CYP7B1: variants seen among roughly 807,000 people sequenced by gnomAD.
CYP7B1 encodes cytochrome P450 family 7 subfamily B member 1, also known as cytochrome P450 7B1.
In CYP7B1, 29 loss-of-function variants were observed where a neutral mutation model predicts 42.7. The observed-to-expected ratio is 0.68, with a 90% CI of 0.51 to 0.93. The LOEUF is 0.93. CYP7B1 is among the 40% of genes least tolerant of loss of function. The pLI is 0.00. For missense variants in CYP7B1, 655 were observed against 600.5 expected (o/e 1.09, Z -0.95); for synonymous variants, 235 against 218.2 (o/e 1.08, Z -0.68).
intron 1 of CYP7B1, among the ~76,000 whole-genome samples, chr8:64,744,175 A>G (rs1055403451): frequency 6.6e-6 from 1 of 152,174 alleles, no homozygotes; most frequent in Non-Finnish European, 1.5e-5. Context: ...TAGTCAACTG[A>G]GTGTTAGAAG....
intron 1 of CYP7B1, among the ~76,000 whole-genome samples, chr8:64,772,713 C>G (rs1360406195): frequency 2.6e-5 from 4 of 152,192 alleles, no homozygotes; most frequent in Non-Finnish European, 5.9e-5. Context: ...ATCAAATTAC[C>G]TGACTCCTCT....
intron 4 of CYP7B1, among the ~76,000 whole-genome samples, chr8:64,614,798 G>A (rs1339482211): frequency 6.6e-6 from 1 of 152,000 alleles, no homozygotes; most frequent in Non-Finnish European, 1.5e-5. Flanking sequence ...GTAAAGCTTT[G>A]GTTTAGCCTT....
rs1266572347 is a variant in CYP7B1 at position 64,798,575 on chromosome 8, C to A, written c.13G>T (p.Val5Leu). The A allele has an allele frequency of 5.4e-6, 8 of 1,475,456 alleles. No individual in the cohort carries two copies. 91.4% of individuals were successfully genotyped at this position (1,475,456 alleles called of 1,614,324 possible). Reference protein sequence around the residue: MAGEVSAATGRFSLE... With the variant: MAGELSAATGRFSLE... ...GAAAAGCGGCCCGTGGCCGCGGACACTTCTCCTGCCATCCGGCGCGCGCTA... is the reference window on the plus strand; with the variant it reads ...GAAAAGCGGCCCGTGGCCGCGGACAATTCTCCTGCCATCCGGCGCGCGCTA... The change falls in exon 1 of 6, where the codon GTG becomes TTG. Residue 5 changes from valine to leucine, a missense_variant. By Grantham distance (32) the Val-to-Leu change is conservative. Coordinates refer to ENST00000310193, the MANE Select transcript of CYP7B1 (RefSeq NM_004820.5).
Position 64,615,764 on chromosome 8 carries a change from T to A in CYP7B1, c.777A>T (p.Gly259=), listed in dbSNP as rs1158619372. The A allele has an allele frequency of 6.2e-7, 1 of 1,613,788 alleles. No individual in the cohort carries two copies. The change falls in exon 3 of 6, where the codon GGA becomes GGT. Residue 259 remains glycine (G), a synonymous_variant. Coordinates refer to ENST00000310193, the MANE Select transcript of CYP7B1 (RefSeq NM_004820.5). ...FSSEKLAKMQ[G]WSEVFQSRQD... ...GCCTGCTTTGAAAAACTTCTGACCA[T>A]CCTTGCATCTTGGCTAACTTTTCTG...
At chr8:64,639,395 C>T (rs1303361155) in intron 1 of CYP7B1, among the ~76,000 whole-genome samples, 1 of 151,794 alleles carries the variant, frequency 6.6e-6, no homozygotes, top group Admixed American at 6.6e-5. Flanking sequence ...TAGGGGTGAA[C>T]ATATAGAGAA....
At chr8:64,748,747 T>A (rs1010405806) in intron 1 of CYP7B1, among the ~76,000 whole-genome samples, 9 of 152,172 alleles carry the variant, frequency 5.9e-5, no homozygotes, top group Admixed American at 5.9e-4. Context: ...ATCTCCTACA[T>A]CCAAATTTTA....
intron 5 of CYP7B1, among the ~76,000 whole-genome samples, chr8:64,601,155 A>G (rs982348692): frequency 6.6e-6 from 1 of 152,238 alleles, no homozygotes; most frequent in African/African-American, 2.4e-5. Context: ...TTAGTGATTT[A>G]GAATTTTTTC....
chr8:64,762,226 A>G (rs1226585567), intron 1 of CYP7B1, among the ~76,000 whole-genome samples: 1 of 152,176 alleles, frequency 6.6e-6, no homozygotes, highest in African/African-American at 2.4e-5. Context: ...TTATTTGTAA[A>G]GCTACATAAG....
intron 1 of CYP7B1, among the ~76,000 whole-genome samples, chr8:64,746,640 A>C (rs1281548155): frequency 1.3e-5 from 2 of 152,220 alleles, no homozygotes; most frequent in Non-Finnish European, 2.9e-5. Context: ...GCCCAGAGAA[A>C]TATTTTAATT....
intron 4 of CYP7B1, among the ~76,000 whole-genome samples, chr8:64,614,305 C>T (rs77303452): frequency 1.3e-3 from 205 of 152,164 alleles, no homozygotes; most frequent in African/African-American, 4.6e-3. Flanking sequence ...TAGAAAAAAA[C>T]CTTAGTCACT....
intron 1 of CYP7B1, among the ~76,000 whole-genome samples, chr8:64,747,244 A>C (rs1044866888): frequency 2.0e-5 from 3 of 148,144 alleles, no homozygotes; most frequent in African/African-American, 7.3e-5. Context: ...ATAATAATAT[A>C]GTATTAAACG....
At chr8:64,644,434 C>T (rs1805916524) in intron 1 of CYP7B1, among the ~76,000 whole-genome samples, 1 of 152,250 alleles carries the variant, frequency 6.6e-6, no homozygotes, top group African/African-American at 2.4e-5. Context: ...TCGGAGGCAT[C>T]ACTATCTATG....
intron 2 of CYP7B1, among the ~76,000 whole-genome samples, chr8:64,620,158 C>T (rs1805506299): frequency 6.6e-6 from 1 of 152,038 alleles, no homozygotes. Flanking sequence ...TGCACTCCAG[C>T]CTGGGTGACA....
At chr8:64,724,752 C>T (rs36053206) in intron 1 of CYP7B1, among the ~76,000 whole-genome samples, 16,014 of 152,132 alleles carry the variant, frequency 0.11, 1,116 homozygotes, top group Non-Finnish European at 0.16. Context: ...GGCTCAGAAG[C>T]AGCCTCAGAA....
At chr8:64,778,709 G>A (rs1804367036) in intron 1 of CYP7B1, among the ~76,000 whole-genome samples, 1 of 151,952 alleles carries the variant, frequency 6.6e-6, no homozygotes. Flanking sequence ...AACAAATCTT[G>A]AATCAAATTT....
chr8:64,684,114 C>A (rs569802561), intron 1 of CYP7B1, among the ~76,000 whole-genome samples: 1 of 152,206 alleles, frequency 6.6e-6, no homozygotes, highest in Non-Finnish European at 1.5e-5. Context: ...CCCATGAGGG[C>A]ACAGGCTCTG....
intron 2 of CYP7B1, among the ~76,000 whole-genome samples, chr8:64,620,010 C>T (rs1423408780): frequency 2.6e-5 from 4 of 151,970 alleles, no homozygotes; most frequent in Non-Finnish European, 4.4e-5. Flanking sequence ...AGGGAGACCC[C>T]ACCTCTGCAA....
chr8:64,663,330 T>C (rs957787819), intron 1 of CYP7B1, among the ~76,000 whole-genome samples: 1 of 152,228 alleles, frequency 6.6e-6, no homozygotes, highest in Non-Finnish European at 1.5e-5. Flanking sequence ...TATCTCTGTT[T>C]TCCAAGCTCT....
intron 1 of CYP7B1, among the ~76,000 whole-genome samples, chr8:64,718,620 T>C (rs1013737067): frequency 6.6e-6 from 1 of 152,192 alleles, no homozygotes; most frequent in African/African-American, 2.4e-5. Flanking sequence ...AAGCCAAACA[T>C]GCAGCCATTA....
Sources: gnomAD v4.1 joint callset for allele counts (sites outside exome capture counted in the v4.1 genomes callset) on GRCh38, gnomAD v4.1.1 for gene constraint, MANE v1.5 for transcripts, NCBI Gene and HGNC (gene_info 2026-07-23, HGNC 2026-07-21) for gene names.